Variants in PLPP4 observed in about 807,000 individuals in gnomAD.
PLPP4 encodes the protein diacylglycerol pyrophosphate like 2.
Under a neutral mutation model 32.2 loss-of-function variants are expected in PLPP4, and 20 were observed. The ratio of observed to expected loss-of-function variants is 0.62; its 90% CI spans 0.44 to 0.90. PLPP4 has a LOEUF of 0.90. Among genes scored for constraint, PLPP4 ranks in the 40% least tolerant of loss-of-function variants. The pLI is 0.00. For missense variants in PLPP4, 257 were observed against 353.1 expected, an observed-to-expected ratio of 0.73 and a Z score of 2.18; for synonymous variants, 127 against 133.0, an observed-to-expected ratio of 0.95 and a Z score of 0.31.
At chr10:120,571,677 T>G (rs1318256125) in intron 5 of PLPP4, among the ~76,000 whole-genome samples, 1 of 152,112 alleles carries the variant, frequency 6.6e-6, no homozygotes, top group Non-Finnish European at 1.5e-5. Context: ...AGATTGCACC[T>G]TGATCCCAAA....
At chr10:120,538,048 C>CTGTGTGTGTGTG (rs1564825171) in intron 5 of PLPP4, among the ~76,000 whole-genome samples, 2 of 21,892 alleles carry the variant, frequency 9.1e-5, no homozygotes, top group African/African-American at 4.0e-4. Context: ...CTCTCTCTCT[C>CTGTGTGTGTGTG]TCTCTGTGTG....
At chr10:120,578,594 C>G (rs1849333998) in intron 6 of PLPP4, among the ~76,000 whole-genome samples, 1 of 152,176 alleles carries the variant, frequency 6.6e-6, no homozygotes, top group Non-Finnish European at 1.5e-5. Context: ...TCTCTAATGA[C>G]TCTCTCTCTC....
At chr10:120,516,781 G>T (rs1363429520) in intron 3 of PLPP4, among the ~76,000 whole-genome samples, 1 of 152,126 alleles carries the variant, frequency 6.6e-6, no homozygotes, top group Non-Finnish European at 1.5e-5. Context: ...TTTCCTGTTT[G>T]TCCAGCCTTT....
chr10:120,567,441 G>C (rs1161393421), intron 5 of PLPP4, among the ~76,000 whole-genome samples: 2 of 152,190 alleles, frequency 1.3e-5, no homozygotes, highest in Non-Finnish European at 2.9e-5. Flanking sequence ...ATGTTGTTAT[G>C]CCTGTTGAGT....
At chr10:120,479,030 T>G (rs927486196) in intron 1 of PLPP4, among the ~76,000 whole-genome samples, 14 of 152,204 alleles carry the variant, frequency 9.2e-5, no homozygotes, top group Admixed American at 3.9e-4. Context: ...ATCGAGACCA[T>G]CCTGGCTAAC....
chr10:120,568,505 AATGACTACT>A (rs1848787320), intron 5 of PLPP4, among the ~76,000 whole-genome samples: 1 of 152,244 alleles, frequency 6.6e-6, no homozygotes, highest in African/African-American at 2.4e-5. Context: ...TGGGCAAATC[AATGACTACT>A]CCTTGTTGGT....
intron 1 of PLPP4, among the ~76,000 whole-genome samples, chr10:120,476,414 T>C (rs1480532758): frequency 6.6e-6 from 1 of 152,234 alleles, no homozygotes; most frequent in African/African-American, 2.4e-5. Flanking sequence ...GATGCTGTCA[T>C]TTTTCTCACT....
chr10:120,524,992 T>G (rs1465408990), intron 5 of PLPP4, among the ~76,000 whole-genome samples: 2 of 152,214 alleles, frequency 1.3e-5, no homozygotes, highest in African/African-American at 2.4e-5. Context: ...GAAACTTCTT[T>G]CCTGTGAAAA....
rs375141184 is a variant in PLPP4 at position 120,555,086 on chromosome 10, G to T, written c.446-20045G>T. ...TGTCAGATTACAGCGAGTGGCAAATGTGGGGGGTGGGGGTGGAAGAGAGTG... is the reference window on the plus strand; with the variant it reads ...TGTCAGATTACAGCGAGTGGCAAATTTGGGGGGTGGGGGTGGAAGAGAGTG... On this transcript the variant is annotated intron_variant, in intron 5 of 6. Coordinates refer to ENST00000398250, the MANE Select transcript of PLPP4 (RefSeq NM_001030059.3). Among the ~76,000 whole-genome samples the T allele has an allele frequency of 2.0e-5, 3 of 152,204 alleles. No homozygotes were observed. In the South Asian group the frequency reaches 6.2e-4, roughly 32 times the overall value.
intron 6 of PLPP4, among the ~76,000 whole-genome samples, chr10:120,587,097 A>G (rs552830389): frequency 9.9e-5 from 15 of 152,214 alleles, no homozygotes; most frequent in Non-Finnish European, 1.9e-4. Flanking sequence ...GGATCGGAAC[A>G]GCACATGTGG....
intron 5 of PLPP4, among the ~76,000 whole-genome samples, chr10:120,563,794 G>A (rs1364291445): frequency 2.2e-5 from 2 of 91,348 alleles, no homozygotes; most frequent in Non-Finnish European, 4.2e-5. Context: ...GCGACAGAGC[G>A]AGACTCCGTC....
chr10:120,550,094 G>A (rs1008538888), intron 5 of PLPP4, among the ~76,000 whole-genome samples: 2 of 151,912 alleles, frequency 1.3e-5, no homozygotes, highest in African/African-American at 2.4e-5. Flanking sequence ...TCTACAAAAT[G>A]TATTAGAATA....
At chr10:120,539,310 AT>A (rs1371497386) in intron 5 of PLPP4, among the ~76,000 whole-genome samples, 1 of 152,174 alleles carries the variant, frequency 6.6e-6, no homozygotes, top group Non-Finnish European at 1.5e-5. Flanking sequence ...GAGTTAGGAA[AT>A]TCTGTGGTCT....
intron 5 of PLPP4, among the ~76,000 whole-genome samples, chr10:120,524,319 G>A (rs940619967): frequency 6.6e-6 from 1 of 152,126 alleles, no homozygotes; most frequent in Non-Finnish European, 1.5e-5. Context: ...CAGAGGGGGT[G>A]ACCTAAGTGG....
At chr10:120,550,316 A>T (rs1847831017) in intron 5 of PLPP4, among the ~76,000 whole-genome samples, 2 of 152,014 alleles carry the variant, frequency 1.3e-5, no homozygotes, top group African/African-American at 4.8e-5. Context: ...TGGAAAGTAT[A>T]CCATATTCAT....
At chr10:120,462,698 A>C (rs1377287508) in intron 1 of PLPP4, among the ~76,000 whole-genome samples, 1 of 152,288 alleles carries the variant, frequency 6.6e-6, no homozygotes, top group East Asian at 1.9e-4. Context: ...TCAGGATTAC[A>C]CGGGGCCCAG....
At chr10:120,457,223 G>A, upstream of PLPP4, 2 of 1,170,308 alleles carry the variant, frequency 1.7e-6, no homozygotes, top group South Asian at 5.2e-5. Flanking sequence ...TCGCCTCCCA[G>A]GGTCTGGCGA....
rs2134095599 is a variant in PLPP4 at position 120,589,922 on chromosome 10, T to A, written c.*420T>A. ...GGTTTCTCAGAGACCCAAAGCCAGCTCTGTCTGTAGGTCATTCCAGGTGCT... is the reference window on the plus strand; with the variant it reads ...GGTTTCTCAGAGACCCAAAGCCAGCACTGTCTGTAGGTCATTCCAGGTGCT... On this transcript the variant is annotated 3_prime_UTR_variant, in exon 7 of 7. Transcript: ENST00000398250. 5.9e-6 allele frequency: 1 copy of A among 170,856 alleles called. No homozygotes were observed. The highest frequency in any genetic ancestry group is 1.7e-4 in the East Asian group (1 of 5,956). The allele number at this position is 170,856 out of a possible 1,614,324, so 10.6% of individuals were successfully genotyped here.
chr10:120,498,959 G>C (rs1339697142), intron 1 of PLPP4, among the ~76,000 whole-genome samples: 1 of 152,126 alleles, frequency 6.6e-6, no homozygotes, highest in African/African-American at 2.4e-5. Context: ...TGCAGAGATG[G>C]GGAAAGGCTG....
Sources: gnomAD v4.1 joint callset for allele counts (sites outside exome capture counted in the v4.1 genomes callset) on GRCh38, gnomAD v4.1.1 for gene constraint, MANE v1.5 for transcripts, NCBI Gene and HGNC (gene_info 2026-07-23, HGNC 2026-07-21) for gene names.